EMILIN2: variants seen among roughly 807,000 people sequenced by gnomAD.
EMILIN2 encodes the protein EMILIN-2.
EMILIN2 carries 71 observed loss-of-function variants against 87.1 expected under a neutral mutation model. The ratio of observed to expected loss-of-function variants is 0.82; its 90% CI spans 0.67 to 0.99. The LOEUF (loss-of-function observed/expected upper bound fraction) is 0.99. Ranked by LOEUF, EMILIN2 falls within the 50% of genes least tolerant of loss-of-function variation. The pLI, the probability that EMILIN2 is intolerant of heterozygous loss-of-function variation, is 0.00. For synonymous variants in EMILIN2, 581 were observed against 563.4 expected (o/e 1.03, Z -0.44); for missense variants, 1,407 against 1,371.8 (o/e 1.03, Z -0.40).
intron 7 of EMILIN2, among the ~76,000 whole-genome samples, chr18:2,912,335 A>G (rs1407937717): frequency 6.6e-6 from 1 of 152,056 alleles, no homozygotes; most frequent in African/African-American, 2.4e-5. Flanking sequence ...GCCACCACGC[A>G]TGGCCAGGAC....
chr18:2,873,655 C>T (rs974212357), intron 2 of EMILIN2, among the ~76,000 whole-genome samples: 3 of 151,912 alleles, frequency 2.0e-5, no homozygotes, highest in Non-Finnish European at 4.4e-5. Flanking sequence ...TGCAGTGAGC[C>T]AAGATCGCGT....
At chr18:2,903,665 A>G (rs2076897791) in intron 4 of EMILIN2, among the ~76,000 whole-genome samples, 2 of 152,168 alleles carry the variant, frequency 1.3e-5, no homozygotes, top group African/African-American at 2.4e-5. Flanking sequence ...CTTAATTGGT[A>G]GTAGTGTTGC....
intron 4 of EMILIN2, among the ~76,000 whole-genome samples, chr18:2,905,777 T>G (rs12607177): frequency 9.8e-6 from 1 of 101,774 alleles, no homozygotes; most frequent in South Asian, 4.2e-4. Flanking sequence ...TAATTTTTGT[T>G]TTTTTGTTTT....
In EMILIN2 at chr18:2,910,582, C is replaced by T. The variant is rs572676695; in HGVS notation, c.2824+763C>T. ...CACAGCCCGGGGTCTTTCCTGACGT[C>T]TCTCTCTGCCCTCAGCAGTCACTGT... is the stretch of plus-strand genomic sequence containing the variant. On this transcript the variant is annotated intron_variant, in intron 7 of 7. Coordinates refer to ENST00000254528, the MANE Select transcript of EMILIN2 (RefSeq NM_032048.3). Among the ~76,000 whole-genome samples the T allele has an allele frequency of 3.9e-5, 6 of 152,236 alleles. No individual in the cohort carries two copies. In the South Asian group the frequency reaches 1.2e-3, roughly 32 times the overall value.
At chr18:2,912,708 C>T (rs2076947089) in intron 7 of EMILIN2, among the ~76,000 whole-genome samples, 1 of 152,192 alleles carries the variant, frequency 6.6e-6, no homozygotes, top group South Asian at 2.1e-4. Context: ...GGTGCCATGT[C>T]TGCCTCTCCC....
intron 2 of EMILIN2, among the ~76,000 whole-genome samples, chr18:2,883,103 A>G (rs567902624): frequency 2.1e-4 from 32 of 152,268 alleles, no homozygotes; most frequent in African/African-American, 7.2e-4. Context: ...TAGGAGGTCT[A>G]ATGGGCTTGG....
At chr18:2,884,705 A>G (rs2076794593) in intron 2 of EMILIN2, among the ~76,000 whole-genome samples, 1 of 152,200 alleles carries the variant, frequency 6.6e-6, no homozygotes, top group South Asian at 2.1e-4. Context: ...GAGATTTTCT[A>G]AGCTGTGTGT....
intron 5 of EMILIN2, among the ~76,000 whole-genome samples, chr18:2,907,498 C>T (rs895357883): frequency 1.4e-4 from 21 of 152,350 alleles, no homozygotes; most frequent in African/African-American, 4.8e-4. Context: ...GCTTCCTGAG[C>T]TCTCTGAGCT....
chr18:2,891,275 T>C lies in EMILIN2; in HGVS notation c.1148T>C (p.Leu383Pro), dbSNP rs2076835026. The C allele has an allele frequency of 6.2e-7, 1 of 1,613,838 alleles. No homozygotes were observed. Residue 383 changes from leucine to proline, a missense_variant, in exon 4 of 8, where the codon CTC becomes CCC. Leu to Pro is a moderately conservative substitution (Grantham distance 98). Transcript: ENST00000254528. This position sits in a 1 kb window ranked among gnomAD's most constrained non-coding sequence, Gnocchi z 4.6. The part of the protein sequence containing the change: ...ETSLRKEINN[L>P]RARLQEPSAQ... ...AGCCTGAGAAAAGAAATAAATAACC[T>C]CCGAGCCCGGCTACAGGAGCCTTCA...
chr18:2,877,549 G>A (rs1197372154), intron 2 of EMILIN2, among the ~76,000 whole-genome samples: 2 of 151,412 alleles, frequency 1.3e-5, no homozygotes, highest in East Asian at 3.9e-4. Context: ...AGGCTGAGGT[G>A]GGCGGACCAC....
chr18:2,911,319 T>G (rs2144079418), intron 7 of EMILIN2, among the ~76,000 whole-genome samples: 1 of 152,352 alleles, frequency 6.6e-6, no homozygotes, highest in Middle Eastern at 3.4e-3. Context: ...CCTGGAGTTG[T>G]GCATGTGCCC....
intron 3 of EMILIN2, among the ~76,000 whole-genome samples, chr18:2,887,656 A>G (rs2076809749): frequency 6.6e-6 from 1 of 152,186 alleles, no homozygotes; most frequent in Admixed American, 6.5e-5. Flanking sequence ...AGTTGCTGAC[A>G]CCATGTTTCT....
intron 4 of EMILIN2, among the ~76,000 whole-genome samples, chr18:2,896,908 G>A (rs972923234): frequency 6.6e-6 from 1 of 152,096 alleles, no homozygotes; most frequent in African/African-American, 2.4e-5. Flanking sequence ...AGGCTCAGAC[G>A]GGTGTATCGC....
intron 2 of EMILIN2, among the ~76,000 whole-genome samples, chr18:2,858,519 C>A (rs2076639081): frequency 1.5e-5 from 1 of 66,932 alleles, no homozygotes; most frequent in Non-Finnish European, 2.7e-5. Flanking sequence ...AGTAGTATTC[C>A]ATCATATATA....
Position 2,890,851 on chromosome 18 carries a change from G to A in EMILIN2, c.724G>A (p.Asp242Asn). Reference protein sequence around the residue: ...HPKPDTTVSGDTETGQSPGVF... With the variant: ...HPKPDTTVSGNTETGQSPGVF... ...CAAGCCTGACACCACTGTTAGTGGA[G>A]ACACAGAAACGGGCCAGAGTCCTGG... is the stretch of plus-strand genomic sequence containing the variant. The change falls in exon 4 of 8, where the codon GAC becomes AAC. Residue 242 changes from aspartate (D) to asparagine (N), a missense_variant. Coordinates refer to ENST00000254528, the MANE Select transcript of EMILIN2 (RefSeq NM_032048.3). This position sits in a 1 kb window ranked among gnomAD's most constrained non-coding sequence, Gnocchi z 4.7. The A allele has an allele frequency of 6.2e-7, 1 of 1,613,918 alleles. No homozygotes were observed. The highest frequency in any genetic ancestry group is 8.5e-7 in the Non-Finnish European group (1 of 1,180,028).
chr18:2,894,372 C>T lies in EMILIN2; in HGVS notation c.2359+1886C>T, dbSNP rs1257076055. On this transcript the variant is annotated intron_variant, in intron 4 of 7. Transcript: ENST00000254528. This position sits in a 1 kb window ranked among gnomAD's most constrained non-coding sequence, Gnocchi z 5.0. Reference sequence around the variant, plus strand: ...CTGGCCGCCACCCGAGTGTCCAGCCCACTGCACCTCACTATTTATAACCCA... The same window carrying T: ...CTGGCCGCCACCCGAGTGTCCAGCCTACTGCACCTCACTATTTATAACCCA... 2.6e-5 allele frequency among the ~76,000 whole-genome samples: 4 copies of T among 152,278 alleles called. No individual in the cohort carries two copies. The highest frequency in any genetic ancestry group is 9.6e-5 in the African/African-American group (4 of 41,546).
upstream of EMILIN2, chr18:2,846,889 G>T (rs1364385085): frequency 2.1e-5 from 21 of 988,704 alleles, no homozygotes; most frequent in Admixed American, 6.1e-5. This position sits in a 1 kb window ranked among gnomAD's most constrained non-coding sequence, Gnocchi z 5.3. Flanking sequence ...GAGACGGGGA[G>T]ACTTGGTGGG....
intron 3 of EMILIN2, among the ~76,000 whole-genome samples, chr18:2,888,927 A>C (rs2076817036): frequency 6.6e-6 from 1 of 152,148 alleles, no homozygotes; most frequent in African/African-American, 2.4e-5. Context: ...ATGATCGTTG[A>C]ATTCAAATAT....
At chr18:2,908,347 C>T (rs2076924640) in intron 5 of EMILIN2, among the ~76,000 whole-genome samples, 1 of 152,226 alleles carries the variant, frequency 6.6e-6, no homozygotes, top group Non-Finnish European at 1.5e-5. Flanking sequence ...TACATCCATC[C>T]ACCCACATAT....
Sources: allele counts gnomAD v4.1 joint callset (sites outside exome capture counted in the v4.1 genomes callset), GRCh38; gene constraint gnomAD v4.1.1; non-coding constraint Gnocchi (gnomAD v3.1); transcripts MANE v1.5; gene names NCBI Gene and HGNC (gene_info 2026-07-23, HGNC 2026-07-21).